Variants in SQSTM1 observed in about 807,000 individuals in gnomAD.
The protein encoded by SQSTM1 is sequestosome 1, also known as sequestosome-1.
SQSTM1 carries 36 observed loss-of-function variants against 45.1 expected under a neutral mutation model. The observed-to-expected ratio is 0.80, with a 90% confidence interval of 0.61 to 1.05. The LOEUF is 1.05. SQSTM1 is among the 50% of genes least tolerant of loss of function. SQSTM1 has a pLI of 0.00. For synonymous variants in SQSTM1, 290 were observed against 244.3 expected, an observed-to-expected ratio of 1.19 and a Z score of -1.74; for missense variants, 617 against 607.1, an observed-to-expected ratio of 1.02 and a Z score of -0.17.
chr5:179,836,543 G>A lies in SQSTM1; in HGVS notation c.1273G>A (p.Gly425Arg), dbSNP rs757212984. Residue 425 changes from glycine to arginine, a missense_variant, in exon 8 of 8, where the codon GGA becomes AGA. By Grantham distance (125) the Gly-to-Arg change is moderately radical (BLOSUM62 -2). Transcript: ENST00000389805. ...RLLQTKNYDIGAALDTIQYSK... is the reference protein window; with the variant it reads ...RLLQTKNYDIRAALDTIQYSK... Reference sequence around the variant, plus strand: ...CCTGCAGACCAAGAACTATGACATCGGAGCGGCTCTGGACACCATCCAGTA... The same window carrying A: ...CCTGCAGACCAAGAACTATGACATCAGAGCGGCTCTGGACACCATCCAGTA... 3.2e-5 allele frequency: 51 copies of A among 1,614,038 alleles called. No homozygotes were observed. The highest frequency in any genetic ancestry group is 3.8e-5 in the Non-Finnish European group (45 of 1,180,040).
chr5:179,828,369 CT>C lies in SQSTM1; in HGVS notation c.754+3164del, dbSNP rs57483633. ...TGTTTCAACCTTTTTTTTTTCTTATCTTTTTTTTTTTTTTTTTTTTTGAGAC... is the reference window on the plus strand; with the variant it reads ...TGTTTCAACCTTTTTTTTTTCTTATCTTTTTTTTTTTTTTTTTTTTGAGAC... On this transcript the variant is annotated intron_variant, in intron 5 of 7. Coordinates refer to ENST00000389805, the MANE Select transcript of SQSTM1 (RefSeq NM_003900.5). Among the ~76,000 whole-genome samples the C allele has an allele frequency of 9.8e-3, 965 of 98,260 alleles. 2 individuals carry two copies. Among genetic ancestry groups the C allele is most frequent in the Non-Finnish European group, 0.015 (717 of 48,158 alleles). The allele number at this position is 98,260 out of a possible 152,430, so 64.5% of individuals were successfully genotyped here. A position where few individuals can be genotyped will look rare whatever the true frequency, so the allele number is the denominator to read the frequency against.
rs1356586392 is a variant in SQSTM1, at chr5:179,837,281, G to A, written c.*688G>A. ...GACGTTTGCATAGAGAGAAATGATT[G>A]ACAGTAAGTTTATTGTTAATGGTTC... is the stretch of plus-strand genomic sequence containing the variant. On this transcript the variant is annotated 3_prime_UTR_variant, in exon 8 of 8. Transcript: ENST00000389805. The A allele has an allele frequency of 1.3e-5, 21 of 1,607,020 alleles. No homozygotes were observed. The highest frequency in any genetic ancestry group is 1.7e-5 in the Non-Finnish European group (20 of 1,178,444).
intron 1 of SQSTM1, among the ~76,000 whole-genome samples, chr5:179,822,262 A>G (rs1562651688): frequency 6.6e-6 from 1 of 152,114 alleles, no homozygotes; most frequent in Non-Finnish European, 1.5e-5. Flanking sequence ...TATCAGAACT[A>G]GTTTTTTTTG....
upstream of SQSTM1, chr5:179,820,074 T>C (rs1268442833): frequency 1.3e-5 from 2 of 152,736 alleles, no homozygotes; most frequent in African/African-American, 4.8e-5. Flanking sequence ...GTTACTCTGG[T>C]GGCATAAAGC....
intron 2 of SQSTM1, chr5:179,812,100 A>G (rs1343697486): frequency 1.3e-5 from 2 of 152,112 alleles, no homozygotes; most frequent in East Asian, 1.9e-4. Context: ...CACCGCGCCC[A>G]CCCCTCCATG....
At chr5:179,833,366 C>T (rs950289990) in intron 6 of SQSTM1, 120 bp downstream of exon 6, 3 of 1,077,790 alleles carry the variant, frequency 2.8e-6, no homozygotes, top group East Asian at 2.6e-5. Flanking sequence ...GGAGCTGCTG[C>T]TGCTGCAGTG....
intron 5 of SQSTM1, among the ~76,000 whole-genome samples, chr5:179,827,280 A>G (rs750473641): frequency 9.9e-5 from 15 of 152,160 alleles, no homozygotes; most frequent in Non-Finnish European, 1.8e-4. Flanking sequence ...TGGCACAGAC[A>G]GGAATAATCT....
At chr5:179,825,091 G>A in intron 4 of SQSTM1, 55 bp from the exon 5 acceptor site, 1 of 1,567,430 alleles carries the variant, frequency 6.4e-7, no homozygotes, top group Middle Eastern at 1.7e-4. Flanking sequence ...ACAGGACTGT[G>A]ACAGGTATCC....
rs760432280 is a variant in SQSTM1 at position 179,836,625 on chromosome 5, C to G, written c.*32C>G. On this transcript the variant is annotated 3_prime_UTR_variant, in exon 8 of 8. Coordinates refer to ENST00000389805, the MANE Select transcript of SQSTM1 (RefSeq NM_003900.5). Reference sequence around the variant, plus strand: ...TTGCCCACCTCTTCTGCGTGCCCCTCTTCTGTCTCATAGTTGTGTTAAGCT... The same window carrying G: ...TTGCCCACCTCTTCTGCGTGCCCCTGTTCTGTCTCATAGTTGTGTTAAGCT... 6.2e-7 allele frequency: 1 copy of G among 1,613,732 alleles called. No homozygotes were observed. The highest frequency in any genetic ancestry group is 8.5e-7 in the Non-Finnish European group (1 of 1,179,982).
rs1170840137 is a variant in SQSTM1 at position 179,807,740 on chromosome 5, C to T, written c.-157+1149C>T. On this transcript the variant is annotated intron_variant, in intron 1 of 5. Coordinates refer to the SQSTM1 transcript ENST00000514093. The stretch of plus-strand genomic sequence containing the variant: ...CAATCTCGGCTCACTGCACCCTCCG[C>T]CTCCCGGGTTCAAGCGATTCCCCTG... 3 of 152,358 alleles carry T rather than the reference C, an allele frequency of 2.0e-5. No individual in the cohort carries two copies. In the East Asian group the frequency reaches 5.8e-4, roughly 29 times the overall value. The allele number at this position is 152,358 out of a possible 1,614,324, so 9.4% of individuals were successfully genotyped here. A position where few individuals can be genotyped will look rare whatever the true frequency, so the allele number is the denominator to read the frequency against.
rs1757759303 is a variant in SQSTM1, at chr5:179,821,150, G to T, written c.205+9G>T. The T allele has an allele frequency of 7.5e-7, 1 of 1,333,630 alleles. No homozygotes were observed. The highest frequency in any genetic ancestry group is 1.5e-5 in the African/African-American group (1 of 64,694). The allele number at this position is 1,333,630 out of a possible 1,614,324, so 82.6% of individuals were successfully genotyped here. ...CCAGGCGCACTACCGCGGTGAGCGG[G>T]CCGGGGAGCGGCGGGGGCGGTGACG... On this transcript the variant is annotated intron_variant, in intron 1 of 7. Coordinates refer to ENST00000389805, the MANE Select transcript of SQSTM1 (RefSeq NM_003900.5).
In SQSTM1 at chr5:179,806,957, G is replaced by GGATCTGGGGCCGC. The variant is rs1757195323; in HGVS notation, c.-157+367_-157+379dup. ...GCGGCCCGGCCTGGATCTGGGGCCT[G>GGATCTGGGGCCGC]GATCTGGGGCCGCCGCGGAGTCGAC... On this transcript the variant is annotated intron_variant, in intron 1 of 5. Coordinates refer to the SQSTM1 transcript ENST00000514093. The surrounding 1 kb of genome is among the most constrained non-coding windows in gnomAD (Gnocchi z 4.6). 6.6e-6 allele frequency: 1 copy of GGATCTGGGGCCGC among 150,870 alleles called. No individual in the cohort carries two copies. The highest frequency in any genetic ancestry group is 2.1e-4 in the South Asian group (1 of 4,822). The allele number at this position is 150,870 out of a possible 1,614,324, so 9.3% of individuals were successfully genotyped here.
chr5:179,823,937 C>T lies in SQSTM1; in HGVS notation c.381C>T (p.Ile127=). 3.1e-6 allele frequency: 5 copies of T among 1,613,968 alleles called. No homozygotes were observed. Among genetic ancestry groups the T allele is most frequent in the Non-Finnish European group, 4.2e-6 (5 of 1,180,038 alleles). ...GCAACATGGTGCACCCCAATGTGAT[C>T]TGCGATGGCTGCAATGGGCCTGTGG... The part of the protein sequence containing the change: ...APRNMVHPNV[I]CDGCNGPVVG... The change falls in exon 3 of 8, where the codon ATC becomes ATT. Residue 127 remains isoleucine (I), a synonymous_variant. Coordinates refer to ENST00000389805, the MANE Select transcript of SQSTM1 (RefSeq NM_003900.5).
At chr5:179,828,092 T>G (rs754302264) in intron 5 of SQSTM1, among the ~76,000 whole-genome samples, 1 of 152,160 alleles carries the variant, frequency 6.6e-6, no homozygotes, top group Non-Finnish European at 1.5e-5. Flanking sequence ...GCACGGAGCA[T>G]CGTCTAGTCT....
intron 1 of SQSTM1, 192 bp from the exon 2 acceptor site, chr5:179,822,766 G>A: frequency 3.0e-6 from 2 of 669,322 alleles, no homozygotes; most frequent in Non-Finnish European, 5.5e-6. Flanking sequence ...CCAGGTCGGA[G>A]CACTCACCTT....
intron 5 of SQSTM1, among the ~76,000 whole-genome samples, chr5:179,828,367 A>ATCTTTTTTTTTTTTTTTTTTTTTTTTTT (rs1561601395): frequency 1.1e-5 from 1 of 94,660 alleles, no homozygotes; most frequent in Non-Finnish European, 2.3e-5. Context: ...TTTTTTTCTT[A>ATCTTTTTTTTTTTTTTTTTTTTTTTTTT]TCTTTTTTTT....
rs73334055 is a variant in SQSTM1, at chr5:179,837,379, G to A, written c.*786G>A. On this transcript the variant is annotated 3_prime_UTR_variant, in exon 8 of 8. Transcript: ENST00000389805. ...ACAAGTGTATCTCGATTAATAACCTGCCAGTCCCAGATCACACATCATCAT... is the reference window on the plus strand; with the variant it reads ...ACAAGTGTATCTCGATTAATAACCTACCAGTCCCAGATCACACATCATCAT... 3,288 of 1,583,400 alleles carry A rather than the reference G, an allele frequency of 2.1e-3. 67 individuals are homozygous for A. The African/African-American group carries it at 0.039, about 19-fold the overall frequency.
rs763544769 is a variant in SQSTM1 at position 179,837,908 on chromosome 5, C to T, written c.*1315C>T. ...TCCCTGAAAGAGAAGATGGCCATGC[C>T]CTCCATGTGTAAGAACAATGCCAGG... is the stretch of plus-strand genomic sequence containing the variant. On this transcript the variant is annotated 3_prime_UTR_variant, in exon 8 of 8. Coordinates refer to ENST00000389805, the MANE Select transcript of SQSTM1 (RefSeq NM_003900.5). The T allele has an allele frequency of 1.9e-6, 3 of 1,592,926 alleles. No individual in the cohort carries two copies. Among genetic ancestry groups the T allele is most frequent in the East Asian group, 2.2e-5 (1 of 44,738 alleles).
At position 179,836,569 on chromosome 5, in the gene SQSTM1, T is replaced by C. The variant is rs763376504; in HGVS notation, c.1299T>C (p.Tyr433=). The C allele has an allele frequency of 6.2e-7, 1 of 1,614,186 alleles. No homozygotes were observed. Among genetic ancestry groups the C allele is most frequent in the Admixed American group, 1.7e-5 (1 of 60,012 alleles). Residue 433 remains tyrosine (Y), a synonymous_variant, in exon 8 of 8, where the codon TAT becomes TAC. Coordinates refer to ENST00000389805, the MANE Select transcript of SQSTM1 (RefSeq NM_003900.5). ...GAGCGGCTCTGGACACCATCCAGTA[T>C]TCAAAGCATCCCCCGCCGTTGTGAC... ...DIGAALDTIQ[Y]SKHPPPL
Sources: gnomAD v4.1 joint callset for allele counts (sites outside exome capture counted in the v4.1 genomes callset) on GRCh38, gnomAD v4.1.1 for gene constraint, Gnocchi (gnomAD v3.1) non-coding constraint, MANE v1.5 for transcripts, NCBI Gene and HGNC (gene_info 2026-07-23, HGNC 2026-07-21) for gene names.